The following SLC4A5 variants were observed in gnomAD, a reference collection of about 807,000 sequenced individuals.
The protein encoded by SLC4A5 is solute carrier family 4 member 5.
Under a neutral mutation model 120.4 loss-of-function variants are expected in SLC4A5, and 96 were observed. The observed-to-expected ratio is 0.80, with a 90% CI of 0.68 to 0.94. The LOEUF is 0.94. Among genes scored for constraint, SLC4A5 ranks in the 40% least tolerant of loss-of-function variants. SLC4A5 has a pLI of 0.00. For synonymous variants in SLC4A5, 550 were observed against 571.1 expected (o/e 0.96, Z 0.53); for missense variants, 1,259 against 1,459.5 (o/e 0.86, Z 2.24).
intron 6 of SLC4A5, among the ~76,000 whole-genome samples, 164 bp from the exon 7 acceptor site, chr2:74,304,844 A>G (rs1672591363): frequency 1.3e-5 from 2 of 152,238 alleles, no homozygotes; most frequent in African/African-American, 2.4e-5. Context: ...ACCAAGTTCC[A>G]TTAATGAACC....
chr2:74,281,058 T>C (rs1671798442), intron 8 of SLC4A5, among the ~76,000 whole-genome samples: 1 of 152,096 alleles, frequency 6.6e-6, no homozygotes, highest in South Asian at 2.1e-4. Flanking sequence ...CTGTATGGAG[T>C]GAGAGCATCC....
chr2:74,239,356 G>A (rs749673517), exon 21 of SLC4A5: 2 of 1,614,200 alleles, frequency 1.2e-6, no homozygotes, highest in Non-Finnish European at 1.7e-6. Context: ...AATAGCGGCT[G>A]AATTTGAACT....
At chr2:74,231,272 C>G in exon 25 of SLC4A5, 1 of 1,612,490 alleles carries the variant, frequency 6.2e-7, no homozygotes, top group African/African-American at 1.3e-5. Context: ...AGATTCCCGT[C>G]AGGATGAAGA....
chr2:74,226,504 T>C (rs1411797254), intron 27 of SLC4A5, among the ~76,000 whole-genome samples: 5 of 152,232 alleles, frequency 3.3e-5, no homozygotes, highest in Non-Finnish European at 7.3e-5. Context: ...TTGGGTTTTG[T>C]TGTTCTTGAT....
intron 5 of SLC4A5, among the ~76,000 whole-genome samples, chr2:74,322,243 T>C (rs973823304): frequency 3.3e-5 from 5 of 152,154 alleles, no homozygotes; most frequent in African/African-American, 1.2e-4. Context: ...ATGTTACTTT[T>C]AGCTGAGGCC....
chr2:74,271,695 C>A (rs1007729459), intron 8 of SLC4A5, among the ~76,000 whole-genome samples: 7 of 151,660 alleles, frequency 4.6e-5, no homozygotes, highest in African/African-American at 1.7e-4. Flanking sequence ...TGCTTGCTCC[C>A]TTCTGCTTGA....
At chr2:74,227,071 G>T in exon 27 of SLC4A5, 1 of 1,614,156 alleles carries the variant, frequency 6.2e-7, no homozygotes, top group Non-Finnish European at 8.5e-7. Context: ...CGTGCCGCAG[G>T]AAGGCATGGT....
intron 7 of SLC4A5, chr2:74,290,814 G>T: frequency 1.0e-6 from 1 of 967,504 alleles, no homozygotes; most frequent in South Asian, 4.8e-5. Context: ...TGGCAAAACT[G>T]CCCCTTTACC....
At chr2:74,233,680 G>A in intron 22 of SLC4A5, 117 bp from the exon 23 acceptor site, 5 of 1,266,132 alleles carry the variant, frequency 3.9e-6, no homozygotes, top group Non-Finnish European at 5.3e-6. Context: ...CTTTTCAAGT[G>A]CAATCTTTTC....
chr2:74,285,431 G>C (rs1671950399), intron 8 of SLC4A5, among the ~76,000 whole-genome samples: 1 of 152,178 alleles, frequency 6.6e-6, no homozygotes, highest in East Asian at 1.9e-4. Context: ...AGGGCCAACT[G>C]GGAGACTTGA....
intron 30 of SLC4A5, among the ~76,000 whole-genome samples, chr2:74,221,213 T>G (rs1694632366): frequency 6.6e-6 from 1 of 152,230 alleles, no homozygotes; most frequent in Non-Finnish European, 1.5e-5. Context: ...GTTGAATACC[T>G]TTGTGTGTTG....
At position 74,228,199 on chromosome 2, in the gene SLC4A5, T is replaced by G. The variant is rs1215075700; in HGVS notation, c.2848-321A>C. 9.2e-5 allele frequency among the ~76,000 whole-genome samples: 14 copies of G among 152,316 alleles called. No individual in the cohort carries two copies. In the East Asian group the frequency reaches 1.5e-3, roughly 17 times the overall value. On this transcript the variant is annotated intron_variant, in intron 25 of 30. Transcript: ENST00000394019. ...TGAGAAGACTCCACAGACTGCCCCC[T>G]CCTCATTCCTGCCCAGCTTCTTCCT... is the stretch of plus-strand genomic sequence containing the variant.
At chr2:74,335,677 C>T (rs1673464906) in intron 3 of SLC4A5, among the ~76,000 whole-genome samples, 1 of 152,146 alleles carries the variant, frequency 6.6e-6, no homozygotes, top group Admixed American at 6.5e-5. Context: ...AACCTGGAGA[C>T]ACCAGCACTG....
At chr2:74,269,582 C>T (rs1056564154) in intron 8 of SLC4A5, among the ~76,000 whole-genome samples, 3 of 152,008 alleles carry the variant, frequency 2.0e-5, no homozygotes, top group African/African-American at 7.2e-5. Flanking sequence ...TCCTGAGGAT[C>T]GACCTCCTAT....
exon 7 of SLC4A5, chr2:74,304,527 C>T: frequency 6.2e-7 from 1 of 1,613,988 alleles, no homozygotes; most frequent in Non-Finnish European, 8.5e-7. Flanking sequence ...GTCCTGGCTG[C>T]TTGCCCCACT....
intron 7 of SLC4A5, among the ~76,000 whole-genome samples, chr2:74,302,092 C>T (rs570903819): frequency 2.0e-5 from 3 of 152,190 alleles, no homozygotes; most frequent in African/African-American, 7.2e-5. Flanking sequence ...TCCTGGGGCC[C>T]TACAAATATA....
chr2:74,227,855 G>T lies in SLC4A5; in HGVS notation c.2871C>A (p.Tyr957Ter). Residue 957 changes from tyrosine to a stop codon, truncating the protein, a stop_gained, in exon 26 of 31, where the codon TAC becomes TAA. Transcript: ENST00000394019. LOFTEE classifies it high-confidence loss of function. The stretch of plus-strand genomic sequence containing the variant: ...CCACGCCCATGTAGAGGAAGACTCC[G>T]TACAGCACCGGCAGGGGGATACACT... 6.2e-7 allele frequency: 1 copy of T among 1,610,784 alleles called. No individual in the cohort carries two copies. Among genetic ancestry groups the T allele is most frequent in the Non-Finnish European group, 8.5e-7 (1 of 1,178,698 alleles).
At chr2:74,222,788 G>A in intron 29 of SLC4A5, 80 bp downstream of exon 29, 2 of 1,250,192 alleles carry the variant, frequency 1.6e-6, no homozygotes, top group Non-Finnish European at 2.3e-6. Context: ...AGATCCCCCT[G>A]AGTTACAGAT....
At chr2:74,244,661 G>C (rs572831971) in intron 19 of SLC4A5, among the ~76,000 whole-genome samples, 2 of 151,912 alleles carry the variant, frequency 1.3e-5, no homozygotes, top group Admixed American at 1.3e-4. Flanking sequence ...TGTCCAGGCT[G>C]GTCTCAAACT....
Sources: gnomAD v4.1 joint callset for allele counts (sites outside exome capture counted in the v4.1 genomes callset) on GRCh38, gnomAD v4.1.1 for gene constraint, MANE v1.5 for transcripts, NCBI Gene and HGNC (gene_info 2026-07-23, HGNC 2026-07-21) for gene names.